PDE10A: variants seen among roughly 807,000 people sequenced by gnomAD.
PDE10A encodes the protein cAMP and cAMP-inhibited cGMP 3',5'-cyclic phosphodiesterase 10A.
A neutral mutation model predicts 97.7 loss-of-function variants in PDE10A; 39 were observed. That is an observed-to-expected ratio of 0.40 (90% CI 0.31 to 0.52). PDE10A has a LOEUF of 0.52. Among genes scored for constraint, PDE10A ranks in the 20% least tolerant of loss-of-function variants. The pLI, the probability that PDE10A is intolerant of heterozygous loss-of-function variation, is 0.56. For missense variants in PDE10A, 731 were observed against 1,047.8 expected (o/e 0.70, Z 4.17); for synonymous variants, 371 against 376.8 (o/e 0.98, Z 0.18).
intron 1 of PDE10A, among the ~76,000 whole-genome samples, chr6:165,750,804 A>G (rs750969920): frequency 1.1e-4 from 16 of 152,202 alleles, no homozygotes; most frequent in Admixed American, 2.0e-4. Context: ...CCTAAGTCTG[A>G]CCTGCACAGA....
intron 1 of PDE10A, among the ~76,000 whole-genome samples, chr6:165,928,094 T>G (rs1289082652): frequency 6.6e-6 from 1 of 151,276 alleles, no homozygotes; most frequent in Non-Finnish European, 1.5e-5. Context: ...TATGTAATAT[T>G]TATACATAAT....
chr6:165,690,288 C>T (rs1257429997), intron 1 of PDE10A, among the ~76,000 whole-genome samples: 1 of 152,212 alleles, frequency 6.6e-6, no homozygotes, highest in East Asian at 1.9e-4. Context: ...GTCTCCACTC[C>T]AGTCCTCTCC....
chr6:165,587,670 T>C (rs1785997232), intron 1 of PDE10A, among the ~76,000 whole-genome samples: 2 of 152,218 alleles, frequency 1.3e-5, no homozygotes, highest in Admixed American at 1.3e-4. Flanking sequence ...TGAATTTTTT[T>C]TTCCTATTTA....
At chr6:165,815,034 CTA>C (rs1345626038) in intron 1 of PDE10A, among the ~76,000 whole-genome samples, 2 of 152,074 alleles carry the variant, frequency 1.3e-5, no homozygotes, top group African/African-American at 2.4e-5. Flanking sequence ...TAAAAAATGT[CTA>C]TGATTTTAAT....
At chr6:165,773,707 T>C (rs901838127) in intron 1 of PDE10A, among the ~76,000 whole-genome samples, 4 of 152,188 alleles carry the variant, frequency 2.6e-5, no homozygotes, top group African/African-American at 9.6e-5. Context: ...GATAACAGTC[T>C]ATTAAGAATT....
intron 1 of PDE10A, among the ~76,000 whole-genome samples, chr6:165,767,931 C>T (rs564600728): frequency 3.2e-4 from 48 of 152,314 alleles, no homozygotes; most frequent in Middle Eastern, 3.4e-3. Flanking sequence ...TGTTTGCCAG[C>T]ACACCTTGTT....
intron 6 of PDE10A, among the ~76,000 whole-genome samples, chr6:165,434,033 A>AAC (rs1789814439): frequency 6.8e-6 from 1 of 147,928 alleles, no homozygotes; most frequent in Non-Finnish European, 1.5e-5. Flanking sequence ...AAAAAAAAAA[A>AAC]AAAAAGAAGT....
chr6:165,510,487 T>C lies in PDE10A; in HGVS notation c.995-28144A>G, dbSNP rs62443783. Reference sequence around the variant, plus strand: ...TATCAGAGATAGATATACTGGCCTGTAGTTTTCTTGTTTTGCTGTGTCCTT... The same window carrying C: ...TATCAGAGATAGATATACTGGCCTGCAGTTTTCTTGTTTTGCTGTGTCCTT... On this transcript the variant is annotated intron_variant, in intron 2 of 21. Transcript: ENST00000539869. Among the ~76,000 whole-genome samples the C allele has an allele frequency of 2.9e-3, 439 of 152,116 alleles. 2 individuals carry two copies. Among genetic ancestry groups the C allele is most frequent in the Middle Eastern group, 6.8e-3 (2 of 294 alleles).
intron 1 of PDE10A, among the ~76,000 whole-genome samples, chr6:165,915,246 G>A (rs908370927): frequency 6.6e-6 from 1 of 152,172 alleles, no homozygotes; most frequent in Non-Finnish European, 1.5e-5. Context: ...CAAGTTCAAG[G>A]CTGATTCTGG....
At chr6:165,545,292 A>G (rs1783684637) in intron 1 of PDE10A, 3 of 465,556 alleles carry the variant, frequency 6.4e-6, no homozygotes, top group South Asian at 4.9e-5. Context: ...TCTCCAGTCT[A>G]GCTACTTTCC....
At chr6:165,801,012 A>G (rs1327691732) in intron 1 of PDE10A, among the ~76,000 whole-genome samples, 1 of 152,184 alleles carries the variant, frequency 6.6e-6, no homozygotes, top group Non-Finnish European at 1.5e-5. Flanking sequence ...CTGATTATGA[A>G]GGCGTTCATT....
chr6:165,490,082 G>A (rs1458896616), intron 2 of PDE10A, among the ~76,000 whole-genome samples: 1 of 152,168 alleles, frequency 6.6e-6, no homozygotes, highest in African/African-American at 2.4e-5. Context: ...CCAAATACAA[G>A]AAGGTCAAAG....
chr6:165,848,689 CCAAGGGTAT>C (rs1256968486), intron 1 of PDE10A, among the ~76,000 whole-genome samples: 3 of 152,164 alleles, frequency 2.0e-5, no homozygotes, highest in Non-Finnish European at 2.9e-5. Context: ...CAATGGCCCC[CCAAGGGTAT>C]CCAGGTCCTA....
At chr6:165,456,239 G>C (rs1043838735) in intron 3 of PDE10A, among the ~76,000 whole-genome samples, 1 of 152,156 alleles carries the variant, frequency 6.6e-6, no homozygotes, top group Non-Finnish European at 1.5e-5. Flanking sequence ...CCAAACAATA[G>C]TGAGAGACCT....
chr6:165,813,142 G>A (rs1042780637), intron 1 of PDE10A, among the ~76,000 whole-genome samples: 13 of 152,192 alleles, frequency 8.5e-5, no homozygotes, highest in Admixed American at 3.3e-4. Context: ...GGCTCAGGGA[G>A]GTTAAGGAAA....
rs1315456650 is a variant in PDE10A, at chr6:165,943,295, G to A, written c.-615+44234C>T. Among the ~76,000 whole-genome samples, 298 of 55,176 alleles carry A rather than the reference G, an allele frequency of 5.4e-3. 20 individuals are homozygous for A. The highest frequency in any genetic ancestry group is 0.016 in the South Asian group (30 of 1,894). The allele number at this position is 55,176 out of a possible 152,430, so 36.2% of individuals were successfully genotyped here. A position where few individuals can be genotyped will look rare whatever the true frequency, so the allele number is the denominator to read the frequency against. On this transcript the variant is annotated intron_variant, in intron 1 of 19. Coordinates refer to the PDE10A transcript ENST00000366882. ...GGAAGGAAAGAAAGAAAGAAAGAAGGAAAGAAAGAAAGAAGGAAGGAAGGA... is the reference window on the plus strand; with the variant it reads ...GGAAGGAAAGAAAGAAAGAAAGAAGAAAAGAAAGAAAGAAGGAAGGAAGGA...
chr6:165,967,158 A>G (rs1027199227), intron 1 of PDE10A, among the ~76,000 whole-genome samples: 1 of 152,178 alleles, frequency 6.6e-6, no homozygotes, highest in African/African-American at 2.4e-5. Flanking sequence ...CCTGTGTCAG[A>G]CCCTGCAATA....
At chr6:165,514,513 G>A (rs181651943) in intron 2 of PDE10A, among the ~76,000 whole-genome samples, 98 of 152,274 alleles carry the variant, frequency 6.4e-4, no homozygotes, top group African/African-American at 2.2e-3. Context: ...TGACCACTGG[G>A]AGCTGTGAAG....
chr6:165,855,785 A>G (rs1003326660), intron 1 of PDE10A, among the ~76,000 whole-genome samples: 4 of 152,004 alleles, frequency 2.6e-5, no homozygotes, highest in South Asian at 2.1e-4. Flanking sequence ...CATGAATAAG[A>G]GCACGTCAGG....
Sources: allele counts gnomAD v4.1 joint callset (sites outside exome capture counted in the v4.1 genomes callset), GRCh38; gene constraint gnomAD v4.1.1; transcripts MANE v1.5; gene names NCBI Gene and HGNC (gene_info 2026-07-23, HGNC 2026-07-21).